Variants in PCDH9 observed in about 807,000 individuals in gnomAD.
PCDH9 encodes the protein protocadherin 9, also known as protocadherin-9.
Under a neutral mutation model 70.6 loss-of-function variants are expected in PCDH9, and 24 were observed. That is an observed-to-expected ratio of 0.34 (90% CI 0.25 to 0.48). PCDH9 has a LOEUF of 0.48. Among genes scored for constraint, PCDH9 ranks in the 20% least tolerant of loss-of-function variants. The pLI is 0.99. For missense variants in PCDH9, 1,281 were observed against 1,503.6 expected, an observed-to-expected ratio of 0.85 and a Z score of 2.45; for synonymous variants, 562 against 558.5, an observed-to-expected ratio of 1.01 and a Z score of -0.09.
intron 2 of PCDH9, among the ~76,000 whole-genome samples, chr13:67,015,552 TTTG>T (rs2084544944): frequency 6.6e-6 from 1 of 152,088 alleles, no homozygotes; most frequent in Non-Finnish European, 1.5e-5. Flanking sequence ...CTTACCCTTC[TTTG>T]TTGCTATTTC....
intron 2 of PCDH9, among the ~76,000 whole-genome samples, chr13:67,120,861 C>T (rs1225986298): frequency 1.3e-5 from 2 of 151,742 alleles, no homozygotes; most frequent in African/African-American, 2.4e-5. Context: ...CAATAAAGAG[C>T]CAGTATATGT....
At chr13:66,659,137 G>C (rs1376399206) in intron 3 of PCDH9, among the ~76,000 whole-genome samples, 1 of 152,036 alleles carries the variant, frequency 6.6e-6, no homozygotes, top group Non-Finnish European at 1.5e-5. Flanking sequence ...CGAAATTAAA[G>C]AAATGATAAT....
intron 3 of PCDH9, among the ~76,000 whole-genome samples, chr13:66,641,907 CTAACTGGCCTTCTTT>C (rs2077713739): frequency 6.6e-6 from 1 of 152,114 alleles, no homozygotes; most frequent in South Asian, 2.1e-4. Context: ...CAAGCATATT[CTAACTGGCCTTCTTT>C]TAATTTTCTC....
At chr13:66,591,754 G>T (rs1452969930) in intron 4 of PCDH9, among the ~76,000 whole-genome samples, 1 of 151,486 alleles carries the variant, frequency 6.6e-6, no homozygotes, top group Non-Finnish European at 1.5e-5. Flanking sequence ...TACTGAAATA[G>T]TATAAAATTC....
intron 2 of PCDH9, among the ~76,000 whole-genome samples, chr13:67,098,291 T>C (rs1042975706): frequency 6.6e-6 from 1 of 152,168 alleles, no homozygotes; most frequent in African/African-American, 2.4e-5. Flanking sequence ...TTGGCATCTG[T>C]TAAGTAATGG....
In PCDH9 at chr13:66,486,450, C is replaced by G. The variant is rs999807190; in HGVS notation, c.3340+144760G>C. 7.3e-5 allele frequency among the ~76,000 whole-genome samples: 4 copies of G among 54,452 alleles called. No individual in the cohort carries two copies. In the South Asian group the frequency reaches 3.8e-3, roughly 52 times the overall value. 35.7% of individuals were successfully genotyped at this position (54,452 alleles called of 152,430 possible). A position where few individuals can be genotyped will look rare whatever the true frequency, so the allele number is the denominator to read the frequency against. On this transcript the variant is annotated intron_variant, in intron 4 of 4. Coordinates refer to ENST00000377865, the MANE Select transcript of PCDH9 (RefSeq NM_203487.3). Reference sequence around the variant, plus strand: ...CCAGCCTGGGTGACAGAGCTAGACCCTGTCCCCCCCCCACAAAAAAATAAA... The same window carrying G: ...CCAGCCTGGGTGACAGAGCTAGACCGTGTCCCCCCCCCACAAAAAAATAAA...
At chr13:66,685,561 G>C (rs2078389594) in intron 3 of PCDH9, among the ~76,000 whole-genome samples, 1 of 152,200 alleles carries the variant, frequency 6.6e-6, no homozygotes, top group Non-Finnish European at 1.5e-5. Flanking sequence ...ACTGCCTAGT[G>C]GAGATGTGAG....
chr13:66,332,279 T>G (rs1315313300), intron 4 of PCDH9, among the ~76,000 whole-genome samples: 1 of 151,960 alleles, frequency 6.6e-6, no homozygotes, highest in Non-Finnish European at 1.5e-5. Flanking sequence ...AGAAGTAAGG[T>G]GTATGCCAGA....
intron 4 of PCDH9, among the ~76,000 whole-genome samples, chr13:66,522,966 T>C (rs1169840019): frequency 6.6e-6 from 1 of 152,108 alleles, no homozygotes; most frequent in Non-Finnish European, 1.5e-5. Context: ...GCAAATAATA[T>C]AATATCTTAA....
chr13:67,118,873 T>A (rs1470847160), intron 2 of PCDH9, among the ~76,000 whole-genome samples: 1 of 152,170 alleles, frequency 6.6e-6, no homozygotes, highest in Non-Finnish European at 1.5e-5. Context: ...AGGGTCAGCA[T>A]CCAAATGTAG....
At chr13:66,436,830 A>G (rs975638596) in intron 4 of PCDH9, among the ~76,000 whole-genome samples, 6 of 152,048 alleles carry the variant, frequency 3.9e-5, no homozygotes, top group Non-Finnish European at 7.3e-5. Context: ...AAGCTTCATG[A>G]GCAATTTCCA....
intron 3 of PCDH9, among the ~76,000 whole-genome samples, chr13:66,780,214 C>T (rs576604690): frequency 6.6e-6 from 1 of 152,060 alleles, no homozygotes; most frequent in African/African-American, 2.4e-5. Context: ...CGCTGTATAC[C>T]TTAACTGTAG....
chr13:66,364,393 C>G (rs1300619498), intron 4 of PCDH9, among the ~76,000 whole-genome samples: 3 of 152,102 alleles, frequency 2.0e-5, no homozygotes, highest in Non-Finnish European at 4.4e-5. Context: ...GAAACCTTTG[C>G]AAGTCCTTCA....
At chr13:66,631,931 TTGCCCAGGTTGGAG>T (rs1237725299) in intron 3 of PCDH9, among the ~76,000 whole-genome samples, 2 of 152,182 alleles carry the variant, frequency 1.3e-5, no homozygotes, top group Admixed American at 1.3e-4. Flanking sequence ...TTCGTTCTTG[TTGCCCAGGTTGGAG>T]TGCAATGGCG....
chr13:66,582,494 G>A (rs183201440), intron 4 of PCDH9, among the ~76,000 whole-genome samples: 3 of 152,130 alleles, frequency 2.0e-5, no homozygotes, highest in Non-Finnish European at 4.4e-5. Flanking sequence ...TTAACCTTGT[G>A]TGGTGTTGTA....
chr13:66,330,964 A>T (rs1368450815), intron 4 of PCDH9, among the ~76,000 whole-genome samples: 1 of 152,174 alleles, frequency 6.6e-6, no homozygotes, highest in African/African-American at 2.4e-5. Flanking sequence ...AGGATATTTT[A>T]TTTATGTCTG....
chr13:66,477,819 T>C (rs1403619531), intron 4 of PCDH9, among the ~76,000 whole-genome samples: 1 of 152,210 alleles, frequency 6.6e-6, no homozygotes, highest in Non-Finnish European at 1.5e-5. Flanking sequence ...TCTATCCTCA[T>C]CCTCTTAAAT....
chr13:66,676,623 CTT>C (rs1025405249), intron 3 of PCDH9, among the ~76,000 whole-genome samples: 11 of 152,110 alleles, frequency 7.2e-5, no homozygotes, highest in African/African-American at 2.7e-4. Flanking sequence ...AAACAGGTCT[CTT>C]TTCATATATC....
chr13:66,427,482 A>C (rs571281197), intron 4 of PCDH9, among the ~76,000 whole-genome samples: 2 of 151,716 alleles, frequency 1.3e-5, no homozygotes, highest in East Asian at 3.9e-4. Flanking sequence ...TTACATAGAC[A>C]TGTGTTTTGT....
Sources: allele counts gnomAD v4.1 joint callset (sites outside exome capture counted in the v4.1 genomes callset), GRCh38; gene constraint gnomAD v4.1.1; transcripts MANE v1.5; gene names NCBI Gene and HGNC (gene_info 2026-07-23, HGNC 2026-07-21).